Variants in SERPINB8 observed in about 807,000 individuals in gnomAD.
The protein encoded by SERPINB8 is serpin family B member 8.
A neutral mutation model predicts 35.3 loss-of-function variants in SERPINB8; 25 were observed. The observed-to-expected ratio is 0.71, with a 90% confidence interval of 0.52 to 0.99. The LOEUF is 0.99. Among genes scored for constraint, SERPINB8 ranks in the 50% least tolerant of loss-of-function variants. The pLI is 0.00. For missense variants in SERPINB8, 484 were observed against 446.5 expected, an observed-to-expected ratio of 1.08 and a Z score of -0.76; for synonymous variants, 186 against 160.8, an observed-to-expected ratio of 1.16 and a Z score of -1.19.
chr18:64,007,546 T>A (rs1294396815), downstream of SERPINB8, among the ~76,000 whole-genome samples: 2 of 152,326 alleles, frequency 1.3e-5, no homozygotes, highest in East Asian at 1.9e-4. Flanking sequence ...TACCTGAGAC[T>A]GGCAATTTAT....
chr18:63,997,782 A>G (rs2050857166), intron 1 of SERPINB8, among the ~76,000 whole-genome samples: 1 of 152,214 alleles, frequency 6.6e-6, no homozygotes, highest in Admixed American at 6.5e-5. Flanking sequence ...GGGATGAGAC[A>G]TTCGGATAAA....
At chr18:63,977,414 C>T (rs376033320) in intron 1 of SERPINB8, among the ~76,000 whole-genome samples, 1 of 151,964 alleles carries the variant, frequency 6.6e-6, no homozygotes, top group Non-Finnish European at 1.5e-5. Context: ...GCAGCCTCCA[C>T]CTCCTGGGGC....
chr18:63,996,410 C>T (rs950681828), intron 1 of SERPINB8, among the ~76,000 whole-genome samples: 2 of 152,174 alleles, frequency 1.3e-5, no homozygotes, highest in African/African-American at 4.8e-5. Flanking sequence ...CTGGAGGGAA[C>T]TTGGTATGGG....
intron 1 of SERPINB8, among the ~76,000 whole-genome samples, chr18:63,972,364 T>C (rs1045979818): frequency 6.7e-4 from 102 of 152,362 alleles, no homozygotes; most frequent in African/African-American, 2.4e-3. Context: ...TTGTGGGAAT[T>C]GTCCATGTCA....
In SERPINB8 at chr18:63,978,308, G is replaced by A. The variant is rs757506858; in HGVS notation, c.-1G>A. 7.4e-6 allele frequency: 12 copies of A among 1,614,034 alleles called. No homozygotes were observed. Among genetic ancestry groups the A allele is most frequent in the Non-Finnish European group, 9.3e-6 (11 of 1,180,044 alleles). On this transcript the variant is annotated 5_prime_UTR_variant, in exon 2 of 7. Transcript: ENST00000397985. ...TGTGCCTTTGATGCAGACCTTCTCT[G>A]ATGGATGACCTCTGTGAAGCAAATG...
chr18:64,002,871 C>CG (rs1187591959), intron 1 of SERPINB8, among the ~76,000 whole-genome samples: 5 of 152,142 alleles, frequency 3.3e-5, no homozygotes, highest in African/African-American at 1.2e-4. Context: ...CCGCCGCCTG[C>CG]GGTCGTGCCC....
intron 1 of SERPINB8, among the ~76,000 whole-genome samples, chr18:63,972,325 C>CG: frequency 6.6e-6 from 1 of 152,148 alleles, no homozygotes; most frequent in African/African-American, 2.4e-5. Flanking sequence ...TACTGTATTA[C>CG]TCTGTGGCTT....
intron 1 of SERPINB8, among the ~76,000 whole-genome samples, chr18:64,001,870 A>G (rs1289389053): frequency 1.3e-5 from 2 of 152,158 alleles, no homozygotes; most frequent in African/African-American, 2.4e-5. Context: ...GATTCTGGCT[A>G]CTTTGAAGGG....
chr18:64,011,799 C>G (rs2050927096), intron 7 of SERPINB8, among the ~76,000 whole-genome samples: 1 of 152,128 alleles, frequency 6.6e-6, no homozygotes, highest in African/African-American at 2.4e-5. Flanking sequence ...TCTTGCAAAG[C>G]AATGCCCATG....
chr18:64,002,908 A>C (rs1330140947), intron 1 of SERPINB8, among the ~76,000 whole-genome samples: 1 of 152,088 alleles, frequency 6.6e-6, no homozygotes, highest in Non-Finnish European at 1.5e-5. Context: ...GAAGGCCCCC[A>C]AGCCGGCGGG....
intron 7 of SERPINB8, among the ~76,000 whole-genome samples, chr18:64,013,958 A>G (rs1432603161): frequency 1.3e-5 from 2 of 152,216 alleles, no homozygotes; most frequent in African/African-American, 4.8e-5. Context: ...GCCAGGAAAA[A>G]GACTTATATT....
downstream of SERPINB8, among the ~76,000 whole-genome samples, chr18:64,007,523 C>G (rs78529527): frequency 6.6e-6 from 1 of 152,200 alleles, no homozygotes; most frequent in Admixed American, 6.5e-5. Context: ...CGTTCTCTCA[C>G]TGGTATTATA....
At chr18:64,006,283 G>C (rs896220539), downstream of SERPINB8, among the ~76,000 whole-genome samples, 5 of 152,148 alleles carry the variant, frequency 3.3e-5, no homozygotes, top group African/African-American at 1.2e-4. Context: ...TATATTCTGT[G>C]GCCAAGTGTT....
intron 7 of SERPINB8, among the ~76,000 whole-genome samples, chr18:64,013,844 G>T (rs2050937305): frequency 6.6e-6 from 1 of 152,192 alleles, no homozygotes; most frequent in South Asian, 2.1e-4. Flanking sequence ...AAGGAGAACA[G>T]AAACAGTGTC....
chr18:63,983,744 T>C (rs747230854), intron 5 of SERPINB8, 23 bp downstream of exon 5: 6 of 1,553,570 alleles, frequency 3.9e-6, no homozygotes, highest in Non-Finnish European at 5.3e-6. Context: ...TTTTCAGATA[T>C]ACTGCTACTT....
At chr18:63,989,977 G>A (rs1344521835), downstream of SERPINB8, among the ~76,000 whole-genome samples, 5 of 140,188 alleles carry the variant, frequency 3.6e-5, no homozygotes, top group East Asian at 4.2e-4. Context: ...AAACCAAAAT[G>A]TGCTTATTTG....
chr18:64,004,409 T>C (rs927193153), intron 1 of SERPINB8, among the ~76,000 whole-genome samples: 4 of 152,166 alleles, frequency 2.6e-5, no homozygotes, highest in East Asian at 1.9e-4. Context: ...CCTAGAGAAC[T>C]TGAGAAATTT....
At chr18:63,995,126 G>T (rs2050843001) in intron 1 of SERPINB8, among the ~76,000 whole-genome samples, 1 of 152,182 alleles carries the variant, frequency 6.6e-6, no homozygotes, top group Non-Finnish European at 1.5e-5. Context: ...GCTCACGAGG[G>T]TTTGCATGGT....
intron 1 of SERPINB8, among the ~76,000 whole-genome samples, chr18:63,971,610 T>G (rs2050482233): frequency 6.6e-6 from 1 of 152,208 alleles, no homozygotes; most frequent in Admixed American, 6.5e-5. Context: ...CCCCCACTTC[T>G]CTATTGCAGA....
Sources: allele counts gnomAD v4.1 joint callset (sites outside exome capture counted in the v4.1 genomes callset), GRCh38; gene constraint gnomAD v4.1.1; transcripts MANE v1.5; gene names NCBI Gene and HGNC (gene_info 2026-07-23, HGNC 2026-07-21).